The following FAM53A variants were observed in gnomAD, a reference collection of about 807,000 sequenced individuals.
FAM53A encodes the protein protein FAM53A.
A neutral mutation model predicts 26.6 loss-of-function variants in FAM53A; 28 were observed. That is an observed-to-expected ratio of 1.05 (90% confidence interval 0.78 to 1.45). The LOEUF (loss-of-function observed/expected upper bound fraction) is 1.45. Ranked by LOEUF, FAM53A falls within the 40% of genes most tolerant of loss-of-function variation. FAM53A has a pLI of 0.00. For missense variants in FAM53A, 650 were observed against 575.8 expected (o/e 1.13, Z -1.32); for synonymous variants, 290 against 253.1 (o/e 1.15, Z -1.38).
chr4:1,618,312 C>T (rs1049321882), intron 1 of FAM53A, among the ~76,000 whole-genome samples: 9 of 152,166 alleles, frequency 5.9e-5, no homozygotes, highest in East Asian at 3.9e-4. Context: ...TGAGGGTAGG[C>T]GGGTGAGTGA....
chr4:1,602,296 A>G, the FAM53A span, among the ~76,000 whole-genome samples: 1 of 152,176 alleles, frequency 6.6e-6, no homozygotes, highest in Non-Finnish European at 1.5e-5. Context: ...AAGTCTGTTT[A>G]GGTGGCTGCA....
At chr4:1,613,381 G>C (rs77313102), downstream of FAM53A, among the ~76,000 whole-genome samples, 434 of 152,258 alleles carry the variant, frequency 2.9e-3, 13 homozygotes, top group East Asian at 0.08. Flanking sequence ...CAAAACCCTC[G>C]GTAAGGGCCC....
the FAM53A span, among the ~76,000 whole-genome samples, chr4:1,586,602 T>C: frequency 1.3e-5 from 2 of 151,302 alleles, no homozygotes; most frequent in South Asian, 4.2e-4. Flanking sequence ...GGTGAAACCC[T>C]GTCTCTACTA....
the FAM53A span, among the ~76,000 whole-genome samples, chr4:1,603,528 C>T: frequency 1.1e-4 from 16 of 152,138 alleles, no homozygotes; most frequent in Admixed American, 2.0e-4. Flanking sequence ...GGGTGGGGCC[C>T]GGCACCCCAT....
At chr4:1,575,017 G>A in the FAM53A span, among the ~76,000 whole-genome samples, 1 of 152,234 alleles carries the variant, frequency 6.6e-6, no homozygotes, top group South Asian at 2.1e-4. Flanking sequence ...CACATCTAAA[G>A]GCACGTGACA....
intron 1 of FAM53A, among the ~76,000 whole-genome samples, chr4:1,683,032 C>T (rs554371688): frequency 6.6e-6 from 1 of 152,278 alleles, no homozygotes; most frequent in East Asian, 1.9e-4. Context: ...ACTATCAAGC[C>T]ACAGAAGGGG....
At chr4:1,619,580 C>T (rs1231845020) in intron 1 of FAM53A, among the ~76,000 whole-genome samples, 1 of 152,228 alleles carries the variant, frequency 6.6e-6, no homozygotes, top group Non-Finnish European at 1.5e-5. Flanking sequence ...TGGGTCTATA[C>T]CCTGCAATCG....
chr4:1,583,506 G>A, the FAM53A span, among the ~76,000 whole-genome samples: 29 of 152,350 alleles, frequency 1.9e-4, no homozygotes, highest in South Asian at 5.6e-3. Flanking sequence ...TGTGCCAGCA[G>A]GGATCAAGCA....
chr4:1,612,743 C>T, the FAM53A span, among the ~76,000 whole-genome samples: 1 of 152,234 alleles, frequency 6.6e-6, no homozygotes. Flanking sequence ...AGCACATGTA[C>T]ACACAGGGCA....
chr4:1,577,376 C>G, the FAM53A span, among the ~76,000 whole-genome samples: 1 of 152,220 alleles, frequency 6.6e-6, no homozygotes, highest in African/African-American at 2.4e-5. Flanking sequence ...CATGCGGACC[C>G]CGCCAGCAGA....
intron 1 of FAM53A, among the ~76,000 whole-genome samples, chr4:1,620,253 A>T (rs1354235651): frequency 6.6e-6 from 1 of 152,038 alleles, no homozygotes; most frequent in Admixed American, 6.6e-5. Flanking sequence ...ATAAATAAAT[A>T]AAATGTCATC....
chr4:1,668,919 G>A lies in FAM53A; in HGVS notation c.-164-14C>T, dbSNP rs1055435687. On this transcript the variant is annotated splice_polypyrimidine_tract_variant and intron_variant, in intron 1 of 4. Transcript: ENST00000308132. Reference sequence around the variant, plus strand: ...CAGGATTTGTGCCTGTTTCTCAGAAGAGAGAAATCATCATGTGATTATACG... The same window carrying A: ...CAGGATTTGTGCCTGTTTCTCAGAAAAGAGAAATCATCATGTGATTATACG... 1.8e-6 allele frequency: 1 copy of A among 567,900 alleles called. No homozygotes were observed. Among genetic ancestry groups the A allele is most frequent in the Non-Finnish European group, 3.1e-6 (1 of 320,448 alleles). The allele number at this position is 567,900 out of a possible 1,614,324, so 35.2% of individuals were successfully genotyped here.
chr4:1,590,726 CAAAAG>C, the FAM53A span, among the ~76,000 whole-genome samples: 1 of 151,216 alleles, frequency 6.6e-6, no homozygotes, highest in African/African-American at 2.4e-5. Context: ...TAAGTGTGCA[CAAAAG>C]AAATCTGTAT....
intron 2 of FAM53A, among the ~76,000 whole-genome samples, chr4:1,666,648 G>A (rs558876861): frequency 8.5e-5 from 13 of 152,374 alleles, no homozygotes; most frequent in Admixed American, 2.0e-4. Flanking sequence ...GGCATGTGCC[G>A]CTCTGTATCC....
intron 4 of FAM53A, 54 bp downstream of exon 4, chr4:1,654,924 C>A (rs1026321585): frequency 6.8e-7 from 1 of 1,470,866 alleles, no homozygotes; most frequent in Non-Finnish European, 9.0e-7. Flanking sequence ...CACCCCAGCA[C>A]CGCCCTGTCC....
intron 1 of FAM53A, among the ~76,000 whole-genome samples, chr4:1,631,129 G>A (rs1264897886): frequency 2.0e-5 from 3 of 152,186 alleles, no homozygotes; most frequent in Non-Finnish European, 4.4e-5. Flanking sequence ...CACTTTAGAG[G>A]AGAAAGACTG....
intron 3 of FAM53A, among the ~76,000 whole-genome samples, chr4:1,656,017 G>C (rs1479210058): frequency 6.6e-6 from 1 of 152,156 alleles, no homozygotes; most frequent in Non-Finnish European, 1.5e-5. Flanking sequence ...CTGCTCTCCC[G>C]ACAGCTTTGC....
chr4:1,682,375 G>A (rs1035998937), intron 1 of FAM53A, among the ~76,000 whole-genome samples: 18 of 148,358 alleles, frequency 1.2e-4, no homozygotes, highest in African/African-American at 4.5e-4. Context: ...TGATTCTCCT[G>A]CCTCAGCCTC....
chr4:1,606,192 C>A, the FAM53A span, among the ~76,000 whole-genome samples: 8 of 152,068 alleles, frequency 5.3e-5, no homozygotes, highest in Non-Finnish European at 1.2e-4. Flanking sequence ...GCGCCTGCCA[C>A]CACACCTGGA....
Sources: gnomAD v4.1 joint callset for allele counts (sites outside exome capture counted in the v4.1 genomes callset) on GRCh38, gnomAD v4.1.1 for gene constraint, MANE v1.5 for transcripts, NCBI Gene and HGNC (gene_info 2026-07-23, HGNC 2026-07-21) for gene names.